Variants in C19orf44 observed in about 807,000 individuals in gnomAD.
The protein encoded by C19orf44 is chromosome 19 open reading frame 44, also known as uncharacterized protein C19orf44.
In C19orf44, 43 loss-of-function variants were observed where a neutral mutation model predicts 50.7. The observed-to-expected ratio is 0.85, with a 90% CI of 0.66 to 1.09. The LOEUF is 1.09. Among genes scored for constraint, C19orf44 ranks in the 50% least tolerant of loss-of-function variants. The probability of loss-of-function intolerance (pLI) is 0.00; values close to 1 mark genes in which losing one functional copy is unlikely to be tolerated. For synonymous variants in C19orf44, 298 were observed against 334.7 expected, an observed-to-expected ratio of 0.89 and a Z score of 1.20; for missense variants, 722 against 836.2, an observed-to-expected ratio of 0.86 and a Z score of 1.68.
intron 2 of C19orf44, 79 bp from the exon 3 acceptor site, chr19:16,502,986 C>CA (rs61130725): frequency 0.09 from 98,324 of 1,087,964 alleles, 3 homozygotes; most frequent in East Asian, 0.16. Context: ...GACCCTTTCT[C>CA]AAAAAAAAAA....
chr19:16,515,790 T>G (rs1169109185), intron 7 of C19orf44, among the ~76,000 whole-genome samples: 2 of 151,466 alleles, frequency 1.3e-5, no homozygotes, highest in Non-Finnish European at 2.9e-5. Flanking sequence ...TGGTGATCTA[T>G]TCATAAACTT....
chr19:16,511,321 C>T (rs1261472992), intron 5 of C19orf44, among the ~76,000 whole-genome samples: 3 of 152,050 alleles, frequency 2.0e-5, no homozygotes, highest in African/African-American at 7.2e-5. Context: ...AGGTGTGAGC[C>T]ACCGCACCTG....
At chr19:16,517,573 C>G (rs962917783) in intron 8 of C19orf44, among the ~76,000 whole-genome samples, 1 of 152,320 alleles carries the variant, frequency 6.6e-6, no homozygotes, top group African/African-American at 2.4e-5. Context: ...CAGCAGCATG[C>G]CCAGCTCTAT....
rs756149126 is a variant in C19orf44, at chr19:16,503,325, T to C, written c.1020T>C (p.Ser340=). ...AGCTTGTGTCCTCCCCGGGAAGGAG[T>C]GAGGCTGAGACTGTGGACGAGCCAG... The part of the protein sequence containing the change: ...HVKLVSSPGR[S]EAETVDEPVS... Residue 340 remains serine (S), a synonymous_variant, in exon 3 of 9, where the codon AGT becomes AGC. Coordinates refer to ENST00000221671, the MANE Select transcript of C19orf44 (RefSeq NM_032207.4). 6.2e-7 allele frequency: 1 copy of C among 1,613,092 alleles called. No individual in the cohort carries two copies. The highest frequency in any genetic ancestry group is 8.5e-7 in the Non-Finnish European group (1 of 1,179,720).
rs150929772 is a variant in C19orf44, at chr19:16,501,104, C to T, written c.312C>T (p.Ile104=). The change falls in exon 2 of 9, where the codon ATC becomes ATT. Residue 104 remains isoleucine, a synonymous_variant. Transcript: ENST00000221671. ...LMKLAQLETR[I]MNRKLQRNLS... is the part of the protein sequence containing the mutation. ...AGCTGGCCCAGCTGGAAACCCGGAT[C>T]ATGAATCGGAAGCTGCAGAGGAATT... The T allele has an allele frequency of 1.2e-6, 2 of 1,614,116 alleles. No homozygotes were observed. The highest frequency in any genetic ancestry group is 1.1e-5 in the South Asian group (1 of 91,078).
chr19:16,512,678 G>A (rs2093460908), intron 5 of C19orf44, among the ~76,000 whole-genome samples: 1 of 151,962 alleles, frequency 6.6e-6, no homozygotes, highest in South Asian at 2.1e-4. Flanking sequence ...GACCAGCCTG[G>A]GCAACATAGG....
rs1227017763 is a variant in C19orf44 at position 16,520,338 on chromosome 19, A to G, written c.*285A>G. Reference sequence around the variant, plus strand: ...GAGGCCACAGGAAGAGGCCTCAGGCACTGCCCTGAGGCAGCCTCTGCCTAC... The same window carrying G: ...GAGGCCACAGGAAGAGGCCTCAGGCGCTGCCCTGAGGCAGCCTCTGCCTAC... On this transcript the variant is annotated 3_prime_UTR_variant, in exon 9 of 9. Coordinates refer to ENST00000221671, the MANE Select transcript of C19orf44 (RefSeq NM_032207.4). This position sits in a 1 kb window ranked among gnomAD's most constrained non-coding sequence, Gnocchi z 4.0. 2 of 1,611,304 alleles carry G rather than the reference A, an allele frequency of 1.2e-6. No homozygotes were observed. The highest frequency in any genetic ancestry group is 2.2e-5 in the East Asian group (1 of 44,868).
At chr19:16,496,879 G>A (rs1233829506) in intron 1 of C19orf44, among the ~76,000 whole-genome samples, 1 of 152,112 alleles carries the variant, frequency 6.6e-6, no homozygotes, top group Non-Finnish European at 1.5e-5. Flanking sequence ...TGGAATCCCA[G>A]CACTTTGGGA....
intron 3 of C19orf44, among the ~76,000 whole-genome samples, chr19:16,505,237 G>T (rs2093437510): frequency 6.7e-6 from 1 of 148,836 alleles, no homozygotes; most frequent in African/African-American, 2.5e-5. Flanking sequence ...TTTTTTGACA[G>T]AGTTTTGCCC....
At chr19:16,510,144 CG>C in intron 5 of C19orf44, 156 bp downstream of exon 5, 1 of 1,111,682 alleles carries the variant, frequency 9.0e-7, no homozygotes, top group Non-Finnish European at 1.3e-6. Flanking sequence ...AGGTGGCTCA[CG>C]CCTGTAATCC....
At chr19:16,508,567 G>A (rs748308638) in intron 4 of C19orf44, among the ~76,000 whole-genome samples, 5 of 151,772 alleles carry the variant, frequency 3.3e-5, no homozygotes, top group African/African-American at 9.7e-5. Context: ...TTATTTTTTT[G>A]TAGAGATATG....
intron 3 of C19orf44, among the ~76,000 whole-genome samples, chr19:16,505,962 G>A (rs532252682): frequency 2.6e-5 from 4 of 151,992 alleles, no homozygotes; most frequent in Admixed American, 1.3e-4. Context: ...GATTACAGGC[G>A]TGAGCCACCA....
chr19:16,501,979 A>G (rs7253918), intron 2 of C19orf44, among the ~76,000 whole-genome samples: 57,185 of 143,880 alleles, frequency 0.4, 12,618 homozygotes, highest in African/African-American at 0.63. Context: ...GCGTGATCTC[A>G]GCTCACCGCA....
chr19:16,519,475 G>T lies in C19orf44; in HGVS notation c.*41-619G>T. ...AATGGGTAGAGAGAACCCGCAGGCCGGCCCTGTCTAGAGGGTCTGGGTGGA... is the reference window on the plus strand; with the variant it reads ...AATGGGTAGAGAGAACCCGCAGGCCTGCCCTGTCTAGAGGGTCTGGGTGGA... On this transcript the variant is annotated intron_variant, in intron 8 of 8. Transcript: ENST00000221671. The surrounding 1 kb of genome is among the most constrained non-coding windows in gnomAD (Gnocchi z 6.0). The T allele has an allele frequency of 7.9e-7, 1 of 1,272,206 alleles. No individual in the cohort carries two copies. The allele number at this position is 1,272,206 out of a possible 1,614,324, so 78.8% of individuals were successfully genotyped here.
Position 16,509,760 on chromosome 19 carries a change from G to A in C19orf44, c.1411G>A (p.Asp471Asn). 3 of 1,614,258 alleles carry A rather than the reference G, an allele frequency of 1.9e-6. No homozygotes were observed. The highest frequency in any genetic ancestry group is 1.1e-5 in the South Asian group (1 of 91,086). The change falls in exon 5 of 9, where the codon GAT (aspartate) becomes AAT (asparagine). Residue 471 changes from aspartate (D) to asparagine (N), a missense_variant. Transcript: ENST00000221671. ...CACAGTCAGCTCAGCTTATTCGGAG[G>A]ATTTTGAAAACTCTCCAAGTCTGAC... is the stretch of plus-strand genomic sequence containing the variant. The part of the protein sequence containing the change: ...VNTVSSAYSE[D>N]FENSPSLTAS...
intron 3 of C19orf44, among the ~76,000 whole-genome samples, chr19:16,504,136 C>T (rs1027839092): frequency 6.6e-6 from 1 of 152,032 alleles, no homozygotes; most frequent in Non-Finnish European, 1.5e-5. Flanking sequence ...TTGGAGGCTG[C>T]GGTGAGCTAT....
chr19:16,519,252 C>A lies in C19orf44; in HGVS notation c.*41-842C>A, dbSNP rs1352536570. 1.2e-6 allele frequency: 2 copies of A among 1,614,090 alleles called. No homozygotes were observed. The highest frequency in any genetic ancestry group is 1.7e-6 in the Non-Finnish European group (2 of 1,180,030). On this transcript the variant is annotated intron_variant, in intron 8 of 8. Coordinates refer to ENST00000221671, the MANE Select transcript of C19orf44 (RefSeq NM_032207.4). The surrounding 1 kb of genome is among the most constrained non-coding windows in gnomAD (Gnocchi z 6.0). ...CATAGGGGTCATCCAGAGCCACGCC[C>A]ACGCCTTTATACTGGTCCCACTTAT...
chr19:16,497,016 C>T (rs1297929115), intron 1 of C19orf44, among the ~76,000 whole-genome samples: 1 of 151,894 alleles, frequency 6.6e-6, no homozygotes, highest in African/African-American at 2.4e-5. Context: ...GCCTGTAGTC[C>T]CAGCTACTCA....
chr19:16,510,199 G>T (rs1271190450), intron 5 of C19orf44: 1 of 621,230 alleles, frequency 1.6e-6, no homozygotes, highest in Non-Finnish European at 2.7e-6. Context: ...TTGAGGTCAG[G>T]AGTTCAAGAC....
Sources: gnomAD v4.1 joint callset for allele counts (sites outside exome capture counted in the v4.1 genomes callset) on GRCh38, gnomAD v4.1.1 for gene constraint, Gnocchi (gnomAD v3.1) non-coding constraint, MANE v1.5 for transcripts, NCBI Gene and HGNC (gene_info 2026-07-23, HGNC 2026-07-21) for gene names.